TIMM44: variants seen among roughly 807,000 people sequenced by gnomAD.
TIMM44 encodes the protein translocase of inner mitochondrial membrane 44, also known as mitochondrial import inner membrane translocase subunit TIM44.
TIMM44 carries 37 observed loss-of-function variants against 63.8 expected under a neutral mutation model. The ratio of observed to expected loss-of-function variants is 0.58; its 90% confidence interval spans 0.45 to 0.76. The LOEUF is 0.76. Among genes scored for constraint, TIMM44 ranks in the 30% least tolerant of loss-of-function variants. The pLI is 0.00. For missense variants in TIMM44, 573 were observed against 603.8 expected, an observed-to-expected ratio of 0.95 and a Z score of 0.54; for synonymous variants, 239 against 245.1, an observed-to-expected ratio of 0.98 and a Z score of 0.23.
Position 7,934,074 on chromosome 19 carries a change from C to T in TIMM44, c.543+15G>A. On this transcript the variant is annotated intron_variant, in intron 5 of 12. Coordinates refer to ENST00000270538, the MANE Select transcript of TIMM44 (RefSeq NM_006351.4). The surrounding 1 kb of genome is among the most constrained non-coding windows in gnomAD (Gnocchi z 5.3). Reference sequence around the variant, plus strand: ...CCGCCCCAGGCTGCATGCCCTAGCCCAGGACTGGGCTCACCTGGGAGAGGG... The same window carrying T: ...CCGCCCCAGGCTGCATGCCCTAGCCTAGGACTGGGCTCACCTGGGAGAGGG... The T allele has an allele frequency of 6.2e-7, 1 of 1,613,312 alleles. No homozygotes were observed. The highest frequency in any genetic ancestry group is 8.5e-7 in the Non-Finnish European group (1 of 1,179,978).
In TIMM44 at chr19:7,926,941, G is replaced by A; in HGVS notation, c.*246C>T. ...CTGTGTGCACCCCAGGTGACCAGGC[G>A]CCGGGACCCCTGCAGGGCAGAGCAA... On this transcript the variant is annotated 3_prime_UTR_variant, in exon 13 of 13. Coordinates refer to ENST00000270538, the MANE Select transcript of TIMM44 (RefSeq NM_006351.4). The A allele has an allele frequency of 3.9e-6, 2 of 514,820 alleles. No individual in the cohort carries two copies. Among genetic ancestry groups the A allele is most frequent in the Non-Finnish European group, 3.5e-6 (1 of 284,788 alleles). The allele number at this position is 514,820 out of a possible 1,614,324, so 31.9% of individuals were successfully genotyped here. A position where few individuals can be genotyped will look rare whatever the true frequency, so the allele number is the denominator to read the frequency against.
Position 7,931,201 on chromosome 19 carries a change from G to A in TIMM44, c.988-13C>T. On this transcript the variant is annotated splice_polypyrimidine_tract_variant and intron_variant, in intron 9 of 12. Coordinates refer to ENST00000270538, the MANE Select transcript of TIMM44 (RefSeq NM_006351.4). ...CAGAAATCATGGCCTAAAAAGGAAGGGAAAATAAGCACCAGAACGAGAGTG... is the reference window on the plus strand; with the variant it reads ...CAGAAATCATGGCCTAAAAAGGAAGAGAAAATAAGCACCAGAACGAGAGTG... The A allele has an allele frequency of 6.2e-7, 1 of 1,613,590 alleles. No homozygotes were observed. Among genetic ancestry groups the A allele is most frequent in the Non-Finnish European group, 8.5e-7 (1 of 1,179,526 alleles).
At chr19:7,939,761 C>T (rs142194715) in intron 2 of TIMM44, among the ~76,000 whole-genome samples, 7 of 152,014 alleles carry the variant, frequency 4.6e-5, no homozygotes, top group Admixed American at 2.6e-4. Flanking sequence ...ACTAAAAATA[C>T]AAAAATTAGC....
At position 7,937,318 on chromosome 19, in the gene TIMM44, C is replaced by T. The variant is rs115703956; in HGVS notation, c.312+709G>A. On this transcript the variant is annotated intron_variant, in intron 3 of 12. Coordinates refer to ENST00000270538, the MANE Select transcript of TIMM44 (RefSeq NM_006351.4). ...AATACCAGCACCATCACCCAGTTTC[C>T]ACCAGGCTCCACTCAGAGGGCTACA... 2.0e-3 allele frequency among the ~76,000 whole-genome samples: 298 copies of T among 152,322 alleles called. 1 individual carries two copies. The highest frequency in any genetic ancestry group is 6.9e-3 in the African/African-American group (287 of 41,574).
rs34024100 is a variant in TIMM44, at chr19:7,934,760, G to T, written c.393+305C>A. 5.1e-4 allele frequency among the ~76,000 whole-genome samples: 77 copies of T among 152,214 alleles called. No homozygotes were observed. Among genetic ancestry groups the T allele is most frequent in the Non-Finnish European group, 8.4e-4 (57 of 68,008 alleles). On this transcript the variant is annotated intron_variant, in intron 4 of 12. Coordinates refer to ENST00000270538, the MANE Select transcript of TIMM44 (RefSeq NM_006351.4). This position sits in a 1 kb window ranked among gnomAD's most constrained non-coding sequence, Gnocchi z 5.3. ...TGCCTCCCGCCTCTACCCTCGGGAG[G>T]GGGTGGAAGCGGCCCCTCTCCTCCT...
Position 7,939,238 on chromosome 19 carries a change from A to G in TIMM44, c.142-1041T>C, listed in dbSNP as rs189409899. 1.9e-4 allele frequency among the ~76,000 whole-genome samples: 29 copies of G among 152,250 alleles called. No individual in the cohort carries two copies. In the East Asian group the frequency reaches 4.0e-3, roughly 21 times the overall value. On this transcript the variant is annotated intron_variant, in intron 2 of 12. Transcript: ENST00000270538. ...TAGAAAACTGTGTGCCAGATGGGAG[A>G]GGAGGGGCATGGCAACTCTTTGGAC...
At position 7,934,032 on chromosome 19, in the gene TIMM44, T is replaced by TGGG. The variant is rs1431679644; in HGVS notation, c.544-32_544-30dup. 5.0e-6 allele frequency: 8 copies of TGGG among 1,612,626 alleles called. No homozygotes were observed. The highest frequency in any genetic ancestry group is 5.9e-6 in the Non-Finnish European group (7 of 1,179,724). On this transcript the variant is annotated intron_variant, in intron 5 of 12. Coordinates refer to ENST00000270538, the MANE Select transcript of TIMM44 (RefSeq NM_006351.4). This position sits in a 1 kb window ranked among gnomAD's most constrained non-coding sequence, Gnocchi z 5.3. ...CGAGGGAGGCACAGCGGGGCTGGGGTGGGTGTCTGGGTTCGGCCGCCCCAG... is the reference window on the plus strand; with the variant it reads ...CGAGGGAGGCACAGCGGGGCTGGGGTGGGGGGTGTCTGGGTTCGGCCGCCCCAG...
intron 11 of TIMM44, 153 bp from the exon 12 acceptor site, chr19:7,927,920 GAC>G (rs1490235032): frequency 3.7e-5 from 40 of 1,086,454 alleles, no homozygotes; most frequent in Non-Finnish European, 5.3e-5. Flanking sequence ...CTCAGGCCAG[GAC>G]CAGGCCTCCC....
rs746980840 is a variant in TIMM44, at chr19:7,933,832, G to A, written c.683+32C>T. ...GACAGCAGTGAAAGCTGCCCAAAAT[G>A]GGGGCAGCGAGGGCCACGGGCTGGT... On this transcript the variant is annotated intron_variant, in intron 6 of 12. Coordinates refer to ENST00000270538, the MANE Select transcript of TIMM44 (RefSeq NM_006351.4). This position sits in a 1 kb window ranked among gnomAD's most constrained non-coding sequence, Gnocchi z 4.3. 1.2e-6 allele frequency: 2 copies of A among 1,613,320 alleles called. No individual in the cohort carries two copies. Among genetic ancestry groups the A allele is most frequent in the Admixed American group, 1.7e-5 (1 of 60,026 alleles).
At position 7,932,534 on chromosome 19, in the gene TIMM44, T is replaced by C. The variant is rs1984015074; in HGVS notation, c.987+93A>G. Reference sequence around the variant, plus strand: ...CAGAAAACAGCCTCGGCAGCAGAGTTCCCTGGCAGCACCCAGGGTGCCGGC... The same window carrying C: ...CAGAAAACAGCCTCGGCAGCAGAGTCCCCTGGCAGCACCCAGGGTGCCGGC... On this transcript the variant is annotated intron_variant, in intron 9 of 12. Coordinates refer to ENST00000270538, the MANE Select transcript of TIMM44 (RefSeq NM_006351.4). 21 of 1,555,528 alleles carry C rather than the reference T, an allele frequency of 1.4e-5. No individual in the cohort carries two copies. In the South Asian group the frequency reaches 2.4e-4, roughly 17 times the overall value.
chr19:7,937,978 ACTACT>A lies in TIMM44; in HGVS notation c.312+44_312+48del, dbSNP rs777558687. Reference sequence around the variant, plus strand: ...GGTTGCAGTGAGCCGAGATCGCACCACTACTCTCCAGCCTGGGTGAGGGAAAAAAA... The same window carrying A: ...GGTTGCAGTGAGCCGAGATCGCACCACTCCAGCCTGGGTGAGGGAAAAAAA... On this transcript the variant is annotated intron_variant, in intron 3 of 12. Coordinates refer to ENST00000270538, the MANE Select transcript of TIMM44 (RefSeq NM_006351.4). The A allele has an allele frequency of 1.9e-6, 3 of 1,609,860 alleles. No individual in the cohort carries two copies. In the Admixed American group the frequency reaches 5.0e-5, roughly 27 times the overall value.
Position 7,933,076 on chromosome 19 carries a change from A to G in TIMM44, c.770-144T>C. On this transcript the variant is annotated intron_variant, in intron 7 of 12. Coordinates refer to ENST00000270538, the MANE Select transcript of TIMM44 (RefSeq NM_006351.4). This position sits in a 1 kb window ranked among gnomAD's most constrained non-coding sequence, Gnocchi z 4.3. ...AGGGAGGGGACGGCTGTGGACCTGCATCCTCATCTGTGCTTGGGGACCGCT... is the reference window on the plus strand; with the variant it reads ...AGGGAGGGGACGGCTGTGGACCTGCGTCCTCATCTGTGCTTGGGGACCGCT... 1 of 727,148 alleles carries G rather than the reference A, an allele frequency of 1.4e-6. No homozygotes were observed. Among genetic ancestry groups the G allele is most frequent in the Non-Finnish European group, 2.4e-6 (1 of 411,840 alleles). The allele number at this position is 727,148 out of a possible 1,614,324, so 45.0% of individuals were successfully genotyped here.
chr19:7,938,754 C>T (rs932679265), intron 2 of TIMM44, among the ~76,000 whole-genome samples: 8 of 152,086 alleles, frequency 5.3e-5, no homozygotes, highest in Admixed American at 5.2e-4. Context: ...CTGCAGTGAG[C>T]CAAGATTATG....
chr19:7,936,843 G>T (rs980489126), intron 3 of TIMM44, among the ~76,000 whole-genome samples: 1 of 152,174 alleles, frequency 6.6e-6, no homozygotes, highest in Non-Finnish European at 1.5e-5. Flanking sequence ...GCTCACACCT[G>T]TAATCTCAGC....
rs780478476 is a variant in TIMM44, at chr19:7,934,777, TCTC to T, written c.393+285_393+287del. On this transcript the variant is annotated intron_variant, in intron 4 of 12. Coordinates refer to ENST00000270538, the MANE Select transcript of TIMM44 (RefSeq NM_006351.4). This position sits in a 1 kb window ranked among gnomAD's most constrained non-coding sequence, Gnocchi z 5.3. ...CTCGGGAGGGGGTGGAAGCGGCCCC[TCTC>T]CTCCTATTTTTAGGCAGGAAAAACA... Among the ~76,000 whole-genome samples the T allele has an allele frequency of 6.6e-6, 1 of 152,064 alleles. No individual in the cohort carries two copies. Among genetic ancestry groups the T allele is most frequent in the East Asian group, 1.9e-4 (1 of 5,190 alleles).
At position 7,941,212 on chromosome 19, in the gene TIMM44, A is replaced by G. The variant is rs763757664; in HGVS notation, c.46-15T>C. On this transcript the variant is annotated splice_polypyrimidine_tract_variant and intron_variant, in intron 1 of 12. Coordinates refer to ENST00000270538, the MANE Select transcript of TIMM44 (RefSeq NM_006351.4). Reference sequence around the variant, plus strand: ...CCGAGGCATCTCTAATTGGGGGGAGAGAAGAGAAAGATCCATTCTAACAAG... The same window carrying G: ...CCGAGGCATCTCTAATTGGGGGGAGGGAAGAGAAAGATCCATTCTAACAAG... 1 of 1,589,346 alleles carries G rather than the reference A, an allele frequency of 6.3e-7. No individual in the cohort carries two copies. The highest frequency in any genetic ancestry group is 2.2e-5 in the East Asian group (1 of 44,708).
In TIMM44 at chr19:7,935,675, C is replaced by T. The variant is rs145535162; in HGVS notation, c.313-530G>A. 1.9e-3 allele frequency among the ~76,000 whole-genome samples: 296 copies of T among 152,314 alleles called. 2 individuals are homozygous for T. The highest frequency in any genetic ancestry group is 6.6e-3 in the African/African-American group (276 of 41,558). On this transcript the variant is annotated intron_variant, in intron 3 of 12. Transcript: ENST00000270538. Reference sequence around the variant, plus strand: ...TCAGAAGGCCGGCAGACTCGGGTCCCCGCTTGGCAGCTACCTCCTGAGAAC... The same window carrying T: ...TCAGAAGGCCGGCAGACTCGGGTCCTCGCTTGGCAGCTACCTCCTGAGAAC...
At chr19:7,930,918 G>C (rs928158344) in intron 10 of TIMM44, among the ~76,000 whole-genome samples, 3 of 151,972 alleles carry the variant, frequency 2.0e-5, no homozygotes, top group Non-Finnish European at 4.4e-5. Context: ...CGGGTGACCC[G>C]GTGTCCAGCC....
chr19:7,941,142 G>A lies in TIMM44; in HGVS notation c.101C>T (p.Ser34Leu), dbSNP rs759136938. ...FLSSHNLPHG[S>L]TYQMRRPGGE... Reference sequence around the variant, plus strand: ...GCCCGGCCGGCGCATCTGATAGGTCGACCCATGGGGTAGGTTGTGGCTGGA... The same window carrying A: ...GCCCGGCCGGCGCATCTGATAGGTCAACCCATGGGGTAGGTTGTGGCTGGA... Residue 34 changes from serine (S) to leucine (L), a missense_variant, in exon 2 of 13, where the codon TCG becomes TTG. Coordinates refer to ENST00000270538, the MANE Select transcript of TIMM44 (RefSeq NM_006351.4). The A allele has an allele frequency of 5.6e-6, 9 of 1,614,116 alleles. No homozygotes were observed. Among genetic ancestry groups the A allele is most frequent in the East Asian group, 4.5e-5 (2 of 44,866 alleles).
Sources: allele counts gnomAD v4.1 joint callset (sites outside exome capture counted in the v4.1 genomes callset), GRCh38; gene constraint gnomAD v4.1.1; non-coding constraint Gnocchi (gnomAD v3.1); transcripts MANE v1.5; gene names NCBI Gene and HGNC (gene_info 2026-07-23, HGNC 2026-07-21).